The following RSU1 variants were observed in gnomAD, a reference collection of about 807,000 sequenced individuals.
RSU1 encodes the protein Ras suppressor protein 1.
Under a neutral mutation model 31.1 loss-of-function variants are expected in RSU1, and 26 were observed. The ratio of observed to expected loss-of-function variants is 0.84; its 90% CI spans 0.61 to 1.16. RSU1 has a LOEUF of 1.16. RSU1 is among the 50% of genes most tolerant of loss of function. The pLI is 0.00. For synonymous variants in RSU1, 164 were observed against 136.3 expected, an observed-to-expected ratio of 1.20 and a Z score of -1.41; for missense variants, 320 against 339.1, an observed-to-expected ratio of 0.94 and a Z score of 0.44.
At chr10:16,770,413 C>T (rs1054666417) in intron 3 of RSU1, among the ~76,000 whole-genome samples, 1 of 152,148 alleles carries the variant, frequency 6.6e-6, no homozygotes, top group African/African-American at 2.4e-5. Flanking sequence ...CCCACGGCTG[C>T]CAGGAAGCCA....
At chr10:16,810,485 G>T (rs1049970467) in intron 2 of RSU1, among the ~76,000 whole-genome samples, 1 of 152,084 alleles carries the variant, frequency 6.6e-6, no homozygotes, top group Non-Finnish European at 1.5e-5. Context: ...CCCGGGCTAT[G>T]CACAGCTCTG....
chr10:16,814,465 A>AAAG (rs1554777364), intron 2 of RSU1, among the ~76,000 whole-genome samples: 1 of 145,742 alleles, frequency 6.9e-6, no homozygotes, highest in Non-Finnish European at 1.5e-5. Context: ...AAAAAAAAAA[A>AAAG]AAAGAAAAAA....
At chr10:16,779,905 C>A (rs918799988) in intron 3 of RSU1, among the ~76,000 whole-genome samples, 2 of 152,032 alleles carry the variant, frequency 1.3e-5, no homozygotes, top group African/African-American at 4.8e-5. Flanking sequence ...GTGTCAGTGA[C>A]GCTACTCAGG....
Position 16,700,321 on chromosome 10 carries a change from T to C in RSU1, c.599-5166A>G, listed in dbSNP as rs977335954. ...CTCATTCACTCATAAATATCTAAGA[T>C]TGTGGTCTAACAAGGTAAAACTAAA... On this transcript the variant is annotated intron_variant, in intron 7 of 8. Transcript: ENST00000345264. Among the ~76,000 whole-genome samples the C allele has an allele frequency of 3.4e-4, 52 of 152,208 alleles. 1 individual carries two copies. Among genetic ancestry groups the C allele is most frequent in the East Asian group, 2.5e-3 (13 of 5,184 alleles).
chr10:16,809,463 G>C (rs75193316), intron 2 of RSU1, among the ~76,000 whole-genome samples: 5,267 of 152,222 alleles, frequency 0.035, 195 homozygotes, highest in African/African-American at 0.1. Flanking sequence ...GAGATGAGAC[G>C]AGCTGTGTCC....
At chr10:16,816,866 G>A in intron 2 of RSU1, 107 bp downstream of exon 2, 2 of 760,828 alleles carry the variant, frequency 2.6e-6, no homozygotes, top group Non-Finnish European at 4.6e-6. Context: ...ACAAGCAGGG[G>A]CTGGGGTCTA....
chr10:16,814,102 C>G (rs1838470931), intron 2 of RSU1, among the ~76,000 whole-genome samples: 1 of 152,110 alleles, frequency 6.6e-6, no homozygotes, highest in Non-Finnish European at 1.5e-5. Flanking sequence ...AAGCTGGATA[C>G]TAGTATATAA....
At position 16,661,283 on chromosome 10, in the gene RSU1, AGTGCGTGT is replaced by A. The variant is rs753258372; in HGVS notation, c.731+33732_731+33739del. ...GAGAGTGTATGTGTGATATGTAGAG[AGTGCGTGT>A]GTGTGTGTGTGTGTGTGTGTGTGTG... On this transcript the variant is annotated intron_variant, in intron 8 of 8. Transcript: ENST00000345264. 3.1e-3 allele frequency among the ~76,000 whole-genome samples: 357 copies of A among 115,922 alleles called. 3 individuals are homozygous for A. The highest frequency in any genetic ancestry group is 0.01 in the African/African-American group (337 of 32,386). 76.0% of individuals were successfully genotyped at this position (115,922 alleles called of 152,430 possible).
At chr10:16,807,979 C>A (rs537858385) in intron 2 of RSU1, among the ~76,000 whole-genome samples, 1 of 148,804 alleles carries the variant, frequency 6.7e-6, no homozygotes, top group African/African-American at 2.5e-5. Context: ...GCCGAGATCA[C>A]GCCACTGCAC....
chr10:16,787,904 A>G (rs1359679468), intron 2 of RSU1, among the ~76,000 whole-genome samples: 1 of 152,260 alleles, frequency 6.6e-6, no homozygotes, highest in Non-Finnish European at 1.5e-5. Flanking sequence ...TGGCACAGAA[A>G]GAGGCTAAGG....
intron 7 of RSU1, among the ~76,000 whole-genome samples, chr10:16,704,128 GA>G (rs1835847875): frequency 6.6e-6 from 1 of 151,914 alleles, no homozygotes; most frequent in Non-Finnish European, 1.5e-5. Context: ...TTAAATAAAA[GA>G]AAAAATTAAA....
chr10:16,814,457 A>AAAAG (rs1554777367), intron 2 of RSU1, among the ~76,000 whole-genome samples: 1 of 144,776 alleles, frequency 6.9e-6, no homozygotes, highest in Non-Finnish European at 1.5e-5. Context: ...TCAGGAAAAA[A>AAAAG]AAAAAAAAAA....
At chr10:16,643,866 C>T (rs892469424) in intron 8 of RSU1, among the ~76,000 whole-genome samples, 2 of 150,922 alleles carry the variant, frequency 1.3e-5, no homozygotes. Context: ...CAATGGATGG[C>T]TGCGTCTGTA....
At chr10:16,755,184 T>C (rs1049270750) in intron 4 of RSU1, among the ~76,000 whole-genome samples, 195 bp from the exon 5 acceptor site, 10 of 152,154 alleles carry the variant, frequency 6.6e-5, no homozygotes, top group African/African-American at 2.4e-4. Flanking sequence ...TGCAGAGGCA[T>C]GATCTCAGCT....
chr10:16,622,590 A>C (rs982551872), intron 8 of RSU1, among the ~76,000 whole-genome samples: 3 of 152,274 alleles, frequency 2.0e-5, no homozygotes, highest in South Asian at 4.1e-4. Context: ...TAAAATTAGC[A>C]CTCAGTGAGA....
At chr10:16,694,398 C>T (rs781459417) in intron 8 of RSU1, among the ~76,000 whole-genome samples, 1 of 152,078 alleles carries the variant, frequency 6.6e-6, no homozygotes, top group Non-Finnish European at 1.5e-5. Flanking sequence ...TAATTCTTTG[C>T]ATTCACAGAA....
Position 16,690,958 on chromosome 10 carries a change from T to C in RSU1, c.731+4065A>G, listed in dbSNP as rs867665048. ...ACACAGACACTGATAAATATATAAG[T>C]AAGGATTCTTTTTAATAAAGGGGAA... is the stretch of plus-strand genomic sequence containing the variant. On this transcript the variant is annotated intron_variant, in intron 8 of 8. Transcript: ENST00000345264. Among the ~76,000 whole-genome samples the C allele has an allele frequency of 9.2e-5, 14 of 152,044 alleles. No homozygotes were observed. In the South Asian group the frequency reaches 1.5e-3, roughly 16 times the overall value.
intron 2 of RSU1, among the ~76,000 whole-genome samples, chr10:16,815,358 A>T (rs894938400): frequency 6.6e-5 from 10 of 151,952 alleles, no homozygotes; most frequent in Non-Finnish European, 1.5e-4. Flanking sequence ...ATCAACTCCA[A>T]CCTCTGTCCC....
chr10:16,743,893 G>A (rs1300234493), intron 7 of RSU1, among the ~76,000 whole-genome samples: 3 of 152,142 alleles, frequency 2.0e-5, no homozygotes, highest in African/African-American at 7.2e-5. Flanking sequence ...CATTTTGGGA[G>A]GACAAGGTGG....
Sources: gnomAD v4.1 joint callset for allele counts (sites outside exome capture counted in the v4.1 genomes callset) on GRCh38, gnomAD v4.1.1 for gene constraint, MANE v1.5 for transcripts, NCBI Gene and HGNC (gene_info 2026-07-23, HGNC 2026-07-21) for gene names.